INPP4B: variants seen among roughly 807,000 people sequenced by gnomAD.
INPP4B encodes inositol polyphosphate 4-phosphatase type II.
INPP4B carries 55 observed loss-of-function variants against 122.5 expected under a neutral mutation model. The ratio of observed to expected loss-of-function variants is 0.45; its 90% confidence interval spans 0.36 to 0.56. INPP4B has a LOEUF of 0.56. Among genes scored for constraint, INPP4B ranks in the 20% least tolerant of loss-of-function variants. The pLI is 0.00. For synonymous variants in INPP4B, 403 were observed against 388.7 expected, an observed-to-expected ratio of 1.04 and a Z score of -0.43; for missense variants, 1,000 against 1,097.7, an observed-to-expected ratio of 0.91 and a Z score of 1.26.
At position 142,322,952 on chromosome 4, in the gene INPP4B, T is replaced by C. The variant is rs752865008; in HGVS notation, c.373-8190A>G. Among the ~76,000 whole-genome samples, 5 of 152,318 alleles carry C rather than the reference T, an allele frequency of 3.3e-5. No individual in the cohort carries two copies. The South Asian group carries it at 1.0e-3, about 32-fold the overall frequency. ...AAGCCAAAGTTAGAGTAAAGAACTA[T>C]TGCTATAAAATAAATGAGATTACTT... On this transcript the variant is annotated intron_variant, in intron 7 of 25. Transcript: ENST00000262992.
At chr4:142,103,910 T>G (rs144923139) in intron 23 of INPP4B, among the ~76,000 whole-genome samples, 1 of 152,052 alleles carries the variant, frequency 6.6e-6, no homozygotes, top group South Asian at 2.1e-4. Context: ...ACAATCCTTA[T>G]TGATGTAGTT....
Position 142,555,486 on chromosome 4 carries a change from G to A in INPP4B, c.-190-92760C>T, listed in dbSNP as rs76636178. Among the ~76,000 whole-genome samples, 1,242 of 152,286 alleles carry A rather than the reference G, an allele frequency of 8.2e-3. 9 individuals carry two copies. Among genetic ancestry groups the A allele is most frequent in the Non-Finnish European group, 0.014 (952 of 68,022 alleles). On this transcript the variant is annotated intron_variant, in intron 2 of 25. Coordinates refer to ENST00000262992, the MANE Select transcript of INPP4B (RefSeq NM_001101669.3). Reference sequence around the variant, plus strand: ...TCATGTATTTATTAGACACTGAATAGTTGTAAATGGGTATTTTACAGTTGA... The same window carrying A: ...TCATGTATTTATTAGACACTGAATAATTGTAAATGGGTATTTTACAGTTGA...
chr4:142,676,430 G>C (rs770279751), intron 2 of INPP4B, among the ~76,000 whole-genome samples: 25 of 152,092 alleles, frequency 1.6e-4, no homozygotes, highest in Admixed American at 3.9e-4. Context: ...GTAATTTATA[G>C]AGCGAATACT....
chr4:142,750,589 C>T (rs1769537893), intron 1 of INPP4B, among the ~76,000 whole-genome samples: 1 of 152,022 alleles, frequency 6.6e-6, no homozygotes, highest in Admixed American at 6.6e-5. Flanking sequence ...AAGAAAGTGG[C>T]ACATAAGCTG....
chr4:142,571,089 CA>C (rs374253787), intron 2 of INPP4B, among the ~76,000 whole-genome samples: 10,212 of 84,212 alleles, frequency 0.12, 427 homozygotes, highest in African/African-American at 0.17. Context: ...TCATGTTTCT[CA>C]AAAAAAAAAA....
At chr4:142,764,463 T>A (rs1771786656) in intron 1 of INPP4B, among the ~76,000 whole-genome samples, 1 of 152,050 alleles carries the variant, frequency 6.6e-6, no homozygotes, top group African/African-American at 2.4e-5. Flanking sequence ...AAGTTGTTGA[T>A]GTTATAGATA....
intron 1 of INPP4B, among the ~76,000 whole-genome samples, chr4:142,732,096 T>C (rs1766179752): frequency 6.6e-6 from 1 of 152,144 alleles, no homozygotes; most frequent in South Asian, 2.1e-4. Flanking sequence ...GTTATCTCAG[T>C]CATCCATCCC....
intron 2 of INPP4B, among the ~76,000 whole-genome samples, chr4:142,498,766 G>C (rs1279837494): frequency 6.6e-6 from 1 of 152,116 alleles, no homozygotes; most frequent in South Asian, 2.1e-4. Context: ...TCCAACCTGG[G>C]TGACAGACGG....
intron 3 of INPP4B, among the ~76,000 whole-genome samples, chr4:142,457,123 C>T (rs554813361): frequency 1.3e-5 from 2 of 152,008 alleles, no homozygotes; most frequent in South Asian, 4.1e-4. Context: ...ACATTTCAGA[C>T]CTTATACAAT....
In INPP4B at chr4:142,086,128, A is replaced by T. The variant is rs2152545353; in HGVS notation, c.2487+16T>A. ...ATGACATGGCAGGAAATAAGATTTG[A>T]CATGAGAGTGCTTACCGTTGCAGCC... On this transcript the variant is annotated intron_variant, in intron 24 of 25. Transcript: ENST00000262992. The T allele has an allele frequency of 7.0e-7, 1 of 1,427,906 alleles. No homozygotes were observed. The highest frequency in any genetic ancestry group is 1.7e-4 in the Middle Eastern group (1 of 5,716). 88.5% of individuals were successfully genotyped at this position (1,427,906 alleles called of 1,614,324 possible). A position where few individuals can be genotyped will look rare whatever the true frequency, so the allele number is the denominator to read the frequency against.
intron 2 of INPP4B, among the ~76,000 whole-genome samples, chr4:142,722,285 A>G (rs1374003890): frequency 6.6e-6 from 1 of 152,208 alleles, no homozygotes; most frequent in Non-Finnish European, 1.5e-5. Context: ...AGAAGTTTTA[A>G]GGTTACATAG....
intron 5 of INPP4B, among the ~76,000 whole-genome samples, chr4:142,424,508 T>A (rs181427860): frequency 6.6e-6 from 1 of 152,046 alleles, no homozygotes; most frequent in Non-Finnish European, 1.5e-5. Flanking sequence ...ACACACACCT[T>A]CCAATCTTGT....
chr4:142,256,644 G>T (rs1216628191), intron 11 of INPP4B, among the ~76,000 whole-genome samples: 1 of 152,142 alleles, frequency 6.6e-6, no homozygotes, highest in East Asian at 1.9e-4. Context: ...ACTCTCCCAA[G>T]ACTAAACCAG....
intron 1 of INPP4B, among the ~76,000 whole-genome samples, chr4:142,773,885 T>G (rs1561053463): frequency 6.6e-6 from 1 of 151,228 alleles, no homozygotes; most frequent in Non-Finnish European, 1.5e-5. Flanking sequence ...TTCCCATGGA[T>G]AACAGTAGCG....
intron 18 of INPP4B, among the ~76,000 whole-genome samples, chr4:142,129,572 C>T (rs1403423217): frequency 6.6e-6 from 1 of 152,138 alleles, no homozygotes; most frequent in Non-Finnish European, 1.5e-5. Context: ...CCTCTAAATA[C>T]CTGGACATAT....
At chr4:142,721,565 G>A (rs535155862) in intron 2 of INPP4B, among the ~76,000 whole-genome samples, 21 of 152,348 alleles carry the variant, frequency 1.4e-4, no homozygotes, top group African/African-American at 5.1e-4. Context: ...GCTCACGCCT[G>A]TAATCCCAGC....
At chr4:142,336,567 T>G (rs1776661556) in intron 7 of INPP4B, among the ~76,000 whole-genome samples, 1 of 152,204 alleles carries the variant, frequency 6.6e-6, no homozygotes, top group African/African-American at 2.4e-5. Context: ...CACCAGGGGT[T>G]GGGGGAAGAA....
chr4:142,443,726 G>A (rs1437923078), intron 3 of INPP4B, among the ~76,000 whole-genome samples: 1 of 152,040 alleles, frequency 6.6e-6, no homozygotes, highest in Non-Finnish European at 1.5e-5. Flanking sequence ...AAACTTCCAA[G>A]AAAGCTTAAA....
intron 11 of INPP4B, among the ~76,000 whole-genome samples, chr4:142,254,382 G>A (rs1734438213): frequency 7.2e-6 from 1 of 139,484 alleles, no homozygotes; most frequent in South Asian, 2.7e-4. Flanking sequence ...GAGAGAAGAA[G>A]GCTTCAGATG....
Sources: allele counts gnomAD v4.1 joint callset (sites outside exome capture counted in the v4.1 genomes callset), GRCh38; gene constraint gnomAD v4.1.1; transcripts MANE v1.5; gene names NCBI Gene and HGNC (gene_info 2026-07-23, HGNC 2026-07-21).